EXOC4: variants seen among roughly 807,000 people sequenced by gnomAD.
The protein encoded by EXOC4 is exocyst complex component 4, also known as SEC8-like 1.
A neutral mutation model predicts 107.2 loss-of-function variants in EXOC4; 71 were observed. The observed-to-expected ratio is 0.66, with a 90% CI of 0.55 to 0.81. The LOEUF is 0.81. Ranked by LOEUF, EXOC4 falls within the 30% of genes least tolerant of loss-of-function variation. EXOC4 has a pLI of 0.00. For synonymous variants in EXOC4, 456 were observed against 441.2 expected, an observed-to-expected ratio of 1.03 and a Z score of -0.42; for missense variants, 1,108 against 1,189.6, an observed-to-expected ratio of 0.93 and a Z score of 1.01.
intron 7 of EXOC4, among the ~76,000 whole-genome samples, chr7:133,452,327 T>C (rs1798366825): frequency 6.6e-6 from 1 of 152,058 alleles, no homozygotes; most frequent in Non-Finnish European, 1.5e-5. Flanking sequence ...AATGTACACA[T>C]CTATCATAAG....
chr7:133,313,389 A>C (rs1794920554), intron 4 of EXOC4, among the ~76,000 whole-genome samples: 1 of 152,136 alleles, frequency 6.6e-6, no homozygotes, highest in Non-Finnish European at 1.5e-5. Flanking sequence ...TCTTTGACAG[A>C]TATTTCTTAG....
At chr7:133,659,800 T>C (rs1803395675) in intron 10 of EXOC4, among the ~76,000 whole-genome samples, 1 of 152,214 alleles carries the variant, frequency 6.6e-6, no homozygotes, top group African/African-American at 2.4e-5. Flanking sequence ...TTTCCTCTTC[T>C]TTCCATTACA....
At chr7:133,966,773 G>A (rs184901347) in intron 14 of EXOC4, among the ~76,000 whole-genome samples, 210 of 152,274 alleles carry the variant, frequency 1.4e-3, no homozygotes, top group African/African-American at 4.8e-3. Context: ...CAGGGATATT[G>A]CCCTGAAATT....
At chr7:133,482,024 C>T (rs1799170320) in intron 9 of EXOC4, among the ~76,000 whole-genome samples, 1 of 152,124 alleles carries the variant, frequency 6.6e-6, no homozygotes, top group South Asian at 2.1e-4. Flanking sequence ...TCACGGTATC[C>T]TAATTTTAAT....
chr7:133,990,530 A>G (rs1794227720), intron 14 of EXOC4, among the ~76,000 whole-genome samples: 1 of 151,722 alleles, frequency 6.6e-6, no homozygotes, highest in African/African-American at 2.4e-5. Flanking sequence ...GCTCACTGCA[A>G]CCTCCTCCTC....
At chr7:133,291,364 C>T (rs1794400652) in intron 3 of EXOC4, among the ~76,000 whole-genome samples, 1 of 149,844 alleles carries the variant, frequency 6.7e-6, no homozygotes, top group Admixed American at 6.7e-5. Flanking sequence ...CTCAATTTCT[C>T]AGTATTTTTT....
chr7:133,264,984 C>T (rs1433059941), intron 1 of EXOC4, among the ~76,000 whole-genome samples: 1 of 152,128 alleles, frequency 6.6e-6, no homozygotes, highest in Non-Finnish European at 1.5e-5. Flanking sequence ...AACTGACTGT[C>T]ATACTGTGAA....
chr7:133,941,851 C>CTCTCTCTCTCTCTCTCTCTCT (rs1330545954), intron 14 of EXOC4, among the ~76,000 whole-genome samples: 1 of 151,780 alleles, frequency 6.6e-6, no homozygotes, highest in Non-Finnish European at 1.5e-5. Flanking sequence ...CTCTCTCTCT[C>CTCTCTCTCTCTCTCTCTCTCT]GGATCTAAGT....
At chr7:133,459,984 G>A (rs1378567036) in intron 7 of EXOC4, among the ~76,000 whole-genome samples, 1 of 152,152 alleles carries the variant, frequency 6.6e-6, no homozygotes, top group Non-Finnish European at 1.5e-5. Context: ...CAATGCAAAA[G>A]AATTAAATTG....
At chr7:133,431,231 A>G (rs1055648045) in intron 7 of EXOC4, among the ~76,000 whole-genome samples, 30 of 152,166 alleles carry the variant, frequency 2.0e-4, no homozygotes, top group African/African-American at 7.2e-4. Flanking sequence ...ATTTTCTGAC[A>G]GTTTTATAGC....
chr7:134,057,975 A>C (rs1795970000), intron 17 of EXOC4, among the ~76,000 whole-genome samples: 1 of 152,132 alleles, frequency 6.6e-6, no homozygotes, highest in African/African-American at 2.4e-5. Context: ...TATTTACCTC[A>C]CTAAGTTGTT....
intron 1 of EXOC4, chr7:133,253,472 G>T (rs151199723): frequency 1.7e-6 from 2 of 1,165,004 alleles, no homozygotes; most frequent in Non-Finnish European, 2.1e-6. Flanking sequence ...TTTGGGTTTG[G>T]TAGAGAAAAC....
At chr7:133,964,939 CCCA>C (rs1275135820) in intron 14 of EXOC4, among the ~76,000 whole-genome samples, 1 of 152,186 alleles carries the variant, frequency 6.6e-6, no homozygotes, top group East Asian at 1.9e-4. Context: ...AATTTACACT[CCCA>C]CCAACAGTGT....
chr7:133,532,797 A>G (rs1004761123), intron 9 of EXOC4, among the ~76,000 whole-genome samples: 1 of 152,116 alleles, frequency 6.6e-6, no homozygotes, highest in Non-Finnish European at 1.5e-5. Flanking sequence ...ATTTTAGAAA[A>G]TTTACTTTTG....
chr7:133,599,916 G>GTTTTTTTTTTTTTTT, intron 9 of EXOC4, among the ~76,000 whole-genome samples: 1 of 31,118 alleles, frequency 3.2e-5, no homozygotes, highest in Non-Finnish European at 5.1e-5. Context: ...TTTTTTTTTT[G>GTTTTTTTTTTTTTTT]GGAGACAGGG....
chr7:133,798,124 C>A (rs1442732335), intron 10 of EXOC4, among the ~76,000 whole-genome samples: 2 of 151,950 alleles, frequency 1.3e-5, no homozygotes, highest in African/African-American at 4.8e-5. Context: ...GTATTTTTGC[C>A]AGTCCTACCA....
At chr7:133,876,878 G>A (rs1798861274) in intron 11 of EXOC4, among the ~76,000 whole-genome samples, 1 of 151,632 alleles carries the variant, frequency 6.6e-6, no homozygotes. Context: ...ATGATTTTCA[G>A]CAATTCGATT....
chr7:134,019,443 T>TGAC (rs912762117), intron 17 of EXOC4, among the ~76,000 whole-genome samples: 2 of 151,300 alleles, frequency 1.3e-5, no homozygotes, highest in African/African-American at 4.9e-5. Flanking sequence ...ATGATGATGA[T>TGAC]GATGACATAT....
At chr7:133,348,488 T>C (rs1795836485) in intron 5 of EXOC4, among the ~76,000 whole-genome samples, 1 of 152,220 alleles carries the variant, frequency 6.6e-6, no homozygotes, top group African/African-American at 2.4e-5. Flanking sequence ...TAATCACTCT[T>C]GTGGCAGGTA....
Sources: allele counts gnomAD v4.1 joint callset (sites outside exome capture counted in the v4.1 genomes callset), GRCh38; gene constraint gnomAD v4.1.1; transcripts MANE v1.5; gene names NCBI Gene and HGNC (gene_info 2026-07-23, HGNC 2026-07-21).